The following SGIP1 variants were observed in gnomAD, a reference collection of about 807,000 sequenced individuals.
SGIP1 encodes the protein SH3-containing GRB2-like protein 3-interacting protein 1.
In SGIP1, 38 loss-of-function variants were observed where a neutral mutation model predicts 107.5. The observed-to-expected ratio is 0.35, with a 90% CI of 0.27 to 0.46. The LOEUF is 0.46. SGIP1 is among the 20% of genes least tolerant of loss of function. The probability of loss-of-function intolerance (pLI) is 1.00; values close to 1 mark genes in which losing one functional copy is unlikely to be tolerated. For synonymous variants in SGIP1, 365 were observed against 366.1 expected (o/e 1.00, Z 0.03); for missense variants, 929 against 1,019.5 (o/e 0.91, Z 1.21).
intron 17 of SGIP1, 78 bp downstream of exon 17, chr1:66,690,394 C>A: frequency 6.4e-7 from 1 of 1,561,698 alleles, no homozygotes; most frequent in Non-Finnish European, 8.7e-7. Context: ...CCCCAAGGCC[C>A]TGTGTTTCTG....
At chr1:66,627,136 T>C (rs2073031068) in intron 2 of SGIP1, among the ~76,000 whole-genome samples, 1 of 152,178 alleles carries the variant, frequency 6.6e-6, no homozygotes, top group South Asian at 2.1e-4. Flanking sequence ...GCTGGTACTC[T>C]TATTATTACT....
rs34773236 is a variant in SGIP1, at chr1:66,648,386, A to AAGTGAGTG, written c.459+4681_459+4688dup. Among the ~76,000 whole-genome samples the AAGTGAGTG allele has an allele frequency of 6.6e-3, 995 of 150,996 alleles. 15 individuals are homozygous for AAGTGAGTG. Among genetic ancestry groups the AAGTGAGTG allele is most frequent in the African/African-American group, 0.022 (921 of 40,968 alleles). On this transcript the variant is annotated intron_variant, in intron 7 of 24. Transcript: ENST00000371037. ...TCATTGCCATTCAATTAATGCTTGC[A>AAGTGAGTG]AGTGAGTGAGTGAGTGAGTGAACAA...
chr1:66,718,736 T>A (rs2093374184), intron 18 of SGIP1, among the ~76,000 whole-genome samples: 1 of 152,088 alleles, frequency 6.6e-6, no homozygotes, highest in Admixed American at 6.6e-5. Context: ...TTGTGGTAAG[T>A]CGATGTGTAT....
At position 66,739,394 on chromosome 1, in the gene SGIP1, G is replaced by T. The variant is rs1557818689; in HGVS notation, c.2091G>T (p.Glu697Asp). The change falls in exon 22 of 25, where the codon GAG becomes GAT. Residue 697 changes from glutamate (E) to aspartate (D), a missense_variant. Glu to Asp is a conservative substitution (Grantham distance 45). Transcript: ENST00000371037. ...PLNLAVNWRC[E>D]PSSTDLRIDY... ...ACCTGGCAGTGAATTGGCGATGTGAGCCTTCAAGCACTGACCTGCGCATAG... is the reference window on the plus strand; with the variant it reads ...ACCTGGCAGTGAATTGGCGATGTGATCCTTCAAGCACTGACCTGCGCATAG... 6.2e-7 allele frequency: 1 copy of T among 1,611,574 alleles called. No individual in the cohort carries two copies. The highest frequency in any genetic ancestry group is 8.5e-7 in the Non-Finnish European group (1 of 1,180,034).
At chr1:66,675,124 G>C (rs1233928438) in intron 12 of SGIP1, among the ~76,000 whole-genome samples, 2 of 152,182 alleles carry the variant, frequency 1.3e-5, no homozygotes, top group Admixed American at 6.5e-5. Flanking sequence ...GACGGGATTT[G>C]ATTTGTTGCA....
At chr1:66,621,055 G>A (rs987659673) in intron 1 of SGIP1, among the ~76,000 whole-genome samples, 1 of 152,160 alleles carries the variant, frequency 6.6e-6, no homozygotes. Context: ...CATCTAGTGG[G>A]ATTAATATAA....
chr1:66,646,956 C>A lies in SGIP1; in HGVS notation c.459+3237C>A, dbSNP rs72669462. 1.1e-3 allele frequency among the ~76,000 whole-genome samples: 165 copies of A among 152,302 alleles called. 1 individual carries two copies. Among genetic ancestry groups the A allele is most frequent in the Middle Eastern group, 0.01 (3 of 294 alleles). ...ATTCTTTTTCTTATCATGTTCCAGCCTGCTGATAAGATACCAAGCTTACAG... is the reference window on the plus strand; with the variant it reads ...ATTCTTTTTCTTATCATGTTCCAGCATGCTGATAAGATACCAAGCTTACAG... On this transcript the variant is annotated intron_variant, in intron 7 of 24. Transcript: ENST00000371037.
chr1:66,620,302 T>G (rs560151883), intron 1 of SGIP1, among the ~76,000 whole-genome samples: 2 of 152,296 alleles, frequency 1.3e-5, no homozygotes, highest in South Asian at 4.1e-4. Flanking sequence ...AAAAGGTTAT[T>G]TTTAAAAAGT....
intron 1 of SGIP1, among the ~76,000 whole-genome samples, chr1:66,591,563 G>A (rs1490688083): frequency 6.6e-6 from 1 of 152,148 alleles, no homozygotes; most frequent in Non-Finnish European, 1.5e-5. Flanking sequence ...TCCCCCATTA[G>A]AGTGTGAAGG....
At chr1:66,742,990 A>T in intron 24 of SGIP1, 83 bp from the exon 25 acceptor site, 1 of 1,393,766 alleles carries the variant, frequency 7.2e-7, no homozygotes, top group Non-Finnish European at 1.0e-6. Flanking sequence ...GGGGTAGGGA[A>T]GGAGGAATAG....
At chr1:66,636,260 T>C (rs2075755720) in intron 4 of SGIP1, among the ~76,000 whole-genome samples, 1 of 152,212 alleles carries the variant, frequency 6.6e-6, no homozygotes, top group Non-Finnish European at 1.5e-5. Context: ...GTGTTACCTG[T>C]TTCATCGACA....
intron 7 of SGIP1, among the ~76,000 whole-genome samples, chr1:66,645,819 G>A (rs1329447421): frequency 6.6e-6 from 1 of 152,100 alleles, no homozygotes; most frequent in Non-Finnish European, 1.5e-5. Context: ...TGTAAATATA[G>A]ATAGATATAG....
intron 1 of SGIP1, among the ~76,000 whole-genome samples, chr1:66,574,383 G>A (rs547673697): frequency 6.6e-5 from 10 of 152,214 alleles, no homozygotes; most frequent in South Asian, 2.1e-4. Flanking sequence ...ATTCTCTGCC[G>A]TGGTGTCCCC....
Position 66,539,618 on chromosome 1 carries a change from G to T in SGIP1, c.10+5250G>T, listed in dbSNP as rs571053780. On this transcript the variant is annotated intron_variant, in intron 1 of 24. Coordinates refer to ENST00000371037, the MANE Select transcript of SGIP1 (RefSeq NM_032291.4). ...GCTCTGGCCTGCTGTGCCTTTTCAGGCTCATCAAATACTTCACTCACACTG... is the reference window on the plus strand; with the variant it reads ...GCTCTGGCCTGCTGTGCCTTTTCAGTCTCATCAAATACTTCACTCACACTG... 6.6e-5 allele frequency among the ~76,000 whole-genome samples: 10 copies of T among 152,232 alleles called. No individual in the cohort carries two copies. The South Asian group carries it at 2.1e-3, about 32-fold the overall frequency.
chr1:66,743,145 T>C lies in SGIP1; in HGVS notation c.*50T>C. 1 of 1,594,908 alleles carries C rather than the reference T, an allele frequency of 6.3e-7. No homozygotes were observed. Among genetic ancestry groups the C allele is most frequent in the South Asian group, 1.1e-5 (1 of 89,716 alleles). ...GGATTCATATAATGGAGAACTGATGTATGAGAAACAGATTTTAATTTTGGT... is the reference window on the plus strand; with the variant it reads ...GGATTCATATAATGGAGAACTGATGCATGAGAAACAGATTTTAATTTTGGT... On this transcript the variant is annotated 3_prime_UTR_variant, in exon 25 of 25. Transcript: ENST00000371037.
At chr1:66,648,491 C>T (rs377516915) in intron 7 of SGIP1, among the ~76,000 whole-genome samples, 29 of 152,294 alleles carry the variant, frequency 1.9e-4, no homozygotes, top group Admixed American at 5.2e-4. Flanking sequence ...CCACTGATAA[C>T]ACCCTTCAGC....
At chr1:66,661,829 T>C (rs1248283171) in intron 8 of SGIP1, among the ~76,000 whole-genome samples, 2 of 152,154 alleles carry the variant, frequency 1.3e-5, no homozygotes, top group East Asian at 3.9e-4. Context: ...ATTTTTCTCC[T>C]GTTGTCCTTC....
intron 19 of SGIP1, among the ~76,000 whole-genome samples, chr1:66,720,124 A>G (rs1017678856): frequency 3.9e-5 from 6 of 152,196 alleles, no homozygotes; most frequent in Admixed American, 3.9e-4. Context: ...AGGATTCAGA[A>G]AATCAATGGT....
At chr1:66,656,466 C>T (rs933273677) in intron 7 of SGIP1, among the ~76,000 whole-genome samples, 10 of 152,332 alleles carry the variant, frequency 6.6e-5, no homozygotes, top group African/African-American at 2.4e-4. Context: ...TACAGCAGCA[C>T]AGGCGGTTTG....
Sources: gnomAD v4.1 joint callset for allele counts (sites outside exome capture counted in the v4.1 genomes callset) on GRCh38, gnomAD v4.1.1 for gene constraint, MANE v1.5 for transcripts, NCBI Gene and HGNC (gene_info 2026-07-23, HGNC 2026-07-21) for gene names.